Variants in CSMD3 observed in about 807,000 individuals in gnomAD.
CSMD3 encodes the protein CUB and sushi domain-containing protein 3.
In CSMD3, 177 loss-of-function variants were observed where a neutral mutation model predicts 435.2. The ratio of observed to expected loss-of-function variants is 0.41; its 90% CI spans 0.36 to 0.46. The LOEUF (loss-of-function observed/expected upper bound fraction) is 0.46, where lower values mean the gene tolerates loss of function less well. Among genes scored for constraint, CSMD3 ranks in the 20% least tolerant of loss-of-function variants. The pLI, the probability that CSMD3 is intolerant of heterozygous loss-of-function variation, is 0.34. For missense variants in CSMD3, 4,265 were observed against 4,504.6 expected (o/e 0.95, Z 1.52); for synonymous variants, 1,656 against 1,520.5 (o/e 1.09, Z -2.07).
chr8:112,582,686 C>T (rs1830420802), intron 23 of CSMD3, among the ~76,000 whole-genome samples: 2 of 151,934 alleles, frequency 1.3e-5, no homozygotes, highest in Non-Finnish European at 2.9e-5. Flanking sequence ...ATAGAGTATG[C>T]TATGGTCTCA....
chr8:112,393,267 C>A lies in CSMD3; in HGVS notation c.5810-2479G>T, dbSNP rs559278481. ...TAACTATAATTTCCCAAGTCCTCAT[C>A]ATCTTAATCCCCCAACCCAGTCCAG... On this transcript the variant is annotated intron_variant, in intron 35 of 70. Coordinates refer to ENST00000297405, the MANE Select transcript of CSMD3 (RefSeq NM_198123.2). Among the ~76,000 whole-genome samples the A allele has an allele frequency of 2.0e-5, 3 of 152,266 alleles. No homozygotes were observed. The East Asian group carries it at 5.8e-4, about 29-fold the overall frequency.
intron 5 of CSMD3, among the ~76,000 whole-genome samples, chr8:113,040,876 C>G (rs765035325): frequency 6.6e-6 from 1 of 152,060 alleles, no homozygotes; most frequent in Non-Finnish European, 1.5e-5. Context: ...GGATTCCCCC[C>G]ACACACCAAG....
At chr8:112,275,535 G>A (rs1047589030) in intron 59 of CSMD3, among the ~76,000 whole-genome samples, 37 of 151,998 alleles carry the variant, frequency 2.4e-4, no homozygotes, top group South Asian at 2.1e-4. Flanking sequence ...CAACAAGAGC[G>A]AAACTCCATC....
At chr8:112,274,589 C>A (rs889309272) in intron 59 of CSMD3, among the ~76,000 whole-genome samples, 1 of 152,278 alleles carries the variant, frequency 6.6e-6, no homozygotes, top group Middle Eastern at 3.4e-3. Context: ...AAAACTACCC[C>A]AAAAGATGAG....
At chr8:112,925,194 C>G (rs1776039233) in intron 9 of CSMD3, among the ~76,000 whole-genome samples, 1 of 152,024 alleles carries the variant, frequency 6.6e-6, no homozygotes, top group Non-Finnish European at 1.5e-5. Flanking sequence ...TCTACAATGT[C>G]TACTCTGCCA....
chr8:113,302,307 T>TAC (rs2093778443), intron 2 of CSMD3, among the ~76,000 whole-genome samples: 1 of 141,220 alleles, frequency 7.1e-6, no homozygotes, highest in Non-Finnish European at 1.5e-5. Flanking sequence ...ATAATATATA[T>TAC]ATTATATATA....
At chr8:112,929,448 A>C (rs2083031664) in intron 9 of CSMD3, among the ~76,000 whole-genome samples, 1 of 152,128 alleles carries the variant, frequency 6.6e-6, no homozygotes, top group Non-Finnish European at 1.5e-5. Context: ...GTGAGAGCTG[A>C]AGATTTTATT....
At chr8:112,671,597 G>A (rs1287704058) in intron 16 of CSMD3, among the ~76,000 whole-genome samples, 2 of 152,060 alleles carry the variant, frequency 1.3e-5, no homozygotes, top group African/African-American at 4.8e-5. Flanking sequence ...CTCTGACAGA[G>A]AAATTTTTCT....
intron 13 of CSMD3, among the ~76,000 whole-genome samples, chr8:112,793,919 G>A (rs1020130629): frequency 1.3e-5 from 2 of 152,160 alleles, no homozygotes; most frequent in African/African-American, 4.8e-5. Flanking sequence ...ATTTAACACT[G>A]TGTTGAAATA....
intron 10 of CSMD3, among the ~76,000 whole-genome samples, chr8:112,892,473 C>A (rs539899819): frequency 1.3e-5 from 2 of 151,486 alleles, no homozygotes; most frequent in Non-Finnish European, 3.0e-5. Context: ...ATCAAACCAA[C>A]AAATGAGTCC....
At chr8:112,889,759 T>A (rs555013712) in intron 10 of CSMD3, among the ~76,000 whole-genome samples, 1 of 151,830 alleles carries the variant, frequency 6.6e-6, no homozygotes, top group South Asian at 2.1e-4. Flanking sequence ...CATTATACAC[T>A]TTTTAAAGTA....
chr8:112,800,026 G>A (rs1270017626), intron 13 of CSMD3, 136 bp downstream of exon 13: 7 of 669,948 alleles, frequency 1.0e-5, no homozygotes, highest in Non-Finnish European at 1.9e-5. Flanking sequence ...GTTAAATTAA[G>A]GAGGAAATGA....
chr8:113,200,509 G>A (rs74941671), intron 3 of CSMD3, among the ~76,000 whole-genome samples: 7,752 of 151,748 alleles, frequency 0.051, 641 homozygotes, highest in African/African-American at 0.18. Context: ...ATGTCTAGGT[G>A]TCCTGGCTTA....
At chr8:113,408,181 C>G (rs1310133327) in intron 1 of CSMD3, among the ~76,000 whole-genome samples, 1 of 151,930 alleles carries the variant, frequency 6.6e-6, no homozygotes, top group East Asian at 1.9e-4. Context: ...AACAACATTT[C>G]CTAACAGTTC....
intron 38 of CSMD3, among the ~76,000 whole-genome samples, chr8:112,354,906 C>CA (rs1438590958): frequency 9.9e-5 from 15 of 151,854 alleles, no homozygotes. Flanking sequence ...AATCCTAAAC[C>CA]AAAAAAAGAA....
At chr8:112,365,720 A>C (rs1022585305) in intron 38 of CSMD3, among the ~76,000 whole-genome samples, 3 of 152,122 alleles carry the variant, frequency 2.0e-5, no homozygotes, top group Non-Finnish European at 2.9e-5. Context: ...GCACCCAAAC[A>C]ATCAGGAGTT....
intron 4 of CSMD3, among the ~76,000 whole-genome samples, chr8:113,101,169 G>C (rs554846147): frequency 2.0e-5 from 3 of 152,256 alleles, no homozygotes; most frequent in African/African-American, 7.2e-5. Context: ...GTCCCCATCA[G>C]TTCCATTACT....
chr8:113,257,635 T>A (rs1184296368), intron 3 of CSMD3, among the ~76,000 whole-genome samples: 2 of 152,118 alleles, frequency 1.3e-5, no homozygotes, highest in Non-Finnish European at 2.9e-5. Context: ...AAAGGAGAAA[T>A]TTGAAATATT....
In CSMD3 at chr8:113,215,312, T is replaced by C. The variant is rs553103798; in HGVS notation, c.515-41396A>G. Among the ~76,000 whole-genome samples, 1,262 of 151,922 alleles carry C rather than the reference T, an allele frequency of 8.3e-3. 17 individuals are homozygous for C. Among genetic ancestry groups the C allele is most frequent in the African/African-American group, 0.028 (1,182 of 41,526 alleles). ...CTTCAAGAGTTTCTACTTACTACTT[T>C]CTTGTCTTATGAAAAATACACAAAA... On this transcript the variant is annotated intron_variant, in intron 3 of 70. Transcript: ENST00000297405.
Sources: allele counts gnomAD v4.1 joint callset (sites outside exome capture counted in the v4.1 genomes callset), GRCh38; gene constraint gnomAD v4.1.1; transcripts MANE v1.5; gene names NCBI Gene and HGNC (gene_info 2026-07-23, HGNC 2026-07-21).